The following PSMD4 variants were observed in gnomAD, a reference collection of about 807,000 sequenced individuals.
PSMD4 encodes the protein proteasome 26S subunit ubiquitin receptor, non-ATPase 4, also known as 26S proteasome non-ATPase regulatory subunit 4.
A neutral mutation model predicts 39.7 loss-of-function variants in PSMD4; 5 were observed. The observed-to-expected ratio is 0.13, with a 90% CI of 0.07 to 0.26. The LOEUF is 0.26. PSMD4 is among the 10% of genes least tolerant of loss of function. PSMD4 has a pLI of 1.00. For synonymous variants in PSMD4, 143 were observed against 174.6 expected, an observed-to-expected ratio of 0.82 and a Z score of 1.43; for missense variants, 272 against 486.1, an observed-to-expected ratio of 0.56 and a Z score of 4.14.
rs587719228 is a variant in PSMD4 at position 151,264,365 on chromosome 1, C to T, written c.282+337C>T. ...TAAAAAAAAAAAAAAAAAGGCCGGG[C>T]GCGGTGGCTCACACCTGTAATCCCA... On this transcript the variant is annotated intron_variant, in intron 3 of 9. Transcript: ENST00000368884. 2.7e-4 allele frequency among the ~76,000 whole-genome samples: 41 copies of T among 150,304 alleles called. 1 individual carries two copies. The South Asian group carries it at 5.7e-3, about 21-fold the overall frequency.
intron 1 of PSMD4, among the ~76,000 whole-genome samples, chr1:151,261,180 C>CT (rs587653164): frequency 0.01 from 1,239 of 119,950 alleles, 18 homozygotes; most frequent in South Asian, 0.019. Flanking sequence ...TTTTCTTTTT[C>CT]TTTTTTTTTT....
intron 1 of PSMD4, among the ~76,000 whole-genome samples, chr1:151,258,241 T>G (rs1272198309): frequency 2.0e-5 from 3 of 152,028 alleles, no homozygotes; most frequent in Middle Eastern, 3.2e-3. Flanking sequence ...TTGGTCAGGC[T>G]GGTCTCGAAC....
chr1:151,265,113 T>TC (rs3216063), intron 4 of PSMD4, 53 bp from the exon 5 acceptor site: 2 of 1,487,958 alleles, frequency 1.3e-6, no homozygotes, highest in Non-Finnish European at 1.8e-6. Context: ...GCGGGTCCTT[T>TC]CCCCCCCTCG....
chr1:151,256,476 T>G (rs141226985), intron 1 of PSMD4, among the ~76,000 whole-genome samples: 9,227 of 148,750 alleles, frequency 0.062, 394 homozygotes, highest in Non-Finnish European at 0.098. Flanking sequence ...TTTGCTCTTG[T>G]TGCCCAGGTT....
rs761980312 is a variant in PSMD4, at chr1:151,262,240, G to C, written c.106G>C (p.Val36Leu). Residue 36 changes from valine (V) to leucine (L), a missense_variant, in exon 2 of 10, where the codon GTT becomes CTT. Val to Leu is a conservative substitution (Grantham distance 32, BLOSUM62 1). This residue lies in a region of PSMD4 where 153 missense variants were observed against 257.6 expected (regional missense o/e 0.59). Transcript: ENST00000368884. Reference protein sequence around the residue: ...LQAQQDAVNIVCHSKTRSNPE... With the variant: ...LQAQQDAVNILCHSKTRSNPE... Reference sequence around the variant, plus strand: ...GGCCCAGCAGGATGCTGTCAACATAGTTTGTCATTCAAAGACCCGCAGCAA... The same window carrying C: ...GGCCCAGCAGGATGCTGTCAACATACTTTGTCATTCAAAGACCCGCAGCAA... 3.0e-5 allele frequency: 49 copies of C among 1,614,082 alleles called. No individual in the cohort carries two copies. Among genetic ancestry groups the C allele is most frequent in the Non-Finnish European group, 4.1e-5 (48 of 1,180,048 alleles).
chr1:151,265,032 A>T, intron 4 of PSMD4, 114 bp downstream of exon 4: 1 of 1,309,928 alleles, frequency 7.6e-7, no homozygotes, highest in Non-Finnish European at 1.1e-6. Flanking sequence ...GGGAAAGGTG[A>T]ATGTGGAGAA....
intron 9 of PSMD4, 147 bp downstream of exon 9, chr1:151,266,734 G>A: frequency 9.9e-7 from 1 of 1,008,310 alleles, no homozygotes; most frequent in Non-Finnish European, 1.5e-6. Context: ...TGTAAACCTT[G>A]CTAAGGTAGC....
chr1:151,265,505 A>C lies in PSMD4; in HGVS notation c.550A>C (p.Ile184Leu). The change falls in exon 6 of 10, where the codon ATC becomes CTC. Residue 184 changes from isoleucine (I) to leucine (L), a missense_variant. By Grantham distance (5) the Ile-to-Leu change is conservative. This residue lies in a region of PSMD4 where 153 missense variants were observed against 257.6 expected (regional missense o/e 0.59). Transcript: ENST00000368884. ...PPGPSLADAL[I>L]SSPILAGEGG... Reference sequence around the variant, plus strand: ...TGGGCCCAGTTTGGCTGATGCTCTCATCAGTTCTCCGATTTTGGCTGGTGA... The same window carrying C: ...TGGGCCCAGTTTGGCTGATGCTCTCCTCAGTTCTCCGATTTTGGCTGGTGA... The C allele has an allele frequency of 6.2e-7, 1 of 1,614,172 alleles. No individual in the cohort carries two copies. Among genetic ancestry groups the C allele is most frequent in the Non-Finnish European group, 8.5e-7 (1 of 1,180,028 alleles).
At chr1:151,267,067 A>T in intron 9 of PSMD4, 106 bp from the exon 10 acceptor site, 1 of 1,345,048 alleles carries the variant, frequency 7.4e-7, no homozygotes, top group Non-Finnish European at 1.1e-6. Context: ...ATCCCCACAC[A>T]GTCAGAAGGC....
Position 151,267,443 on chromosome 1 carries a change from T to C in PSMD4, c.*100T>C. 7.1e-7 allele frequency: 1 copy of C among 1,404,868 alleles called. No homozygotes were observed. The highest frequency in any genetic ancestry group is 9.7e-7 in the Non-Finnish European group (1 of 1,033,846). The allele number at this position is 1,404,868 out of a possible 1,614,324, so 87.0% of individuals were successfully genotyped here. ...TTATCTGTAACCATTACAGCCTAAA[T>C]AAAGCTTGGCAACTTTTTTTCCTTT... On this transcript the variant is annotated 3_prime_UTR_variant, in exon 10 of 10. Coordinates refer to ENST00000368884, the MANE Select transcript of PSMD4 (RefSeq NM_002810.4).
intron 1 of PSMD4, among the ~76,000 whole-genome samples, chr1:151,260,059 A>G (rs965135116): frequency 1.3e-5 from 2 of 151,984 alleles, no homozygotes; most frequent in African/African-American, 4.8e-5. Flanking sequence ...TTAGCCGGGT[A>G]TGGTGGTTGC....
At chr1:151,261,184 T>C (rs587642554) in intron 1 of PSMD4, among the ~76,000 whole-genome samples, 65 of 147,430 alleles carry the variant, frequency 4.4e-4, no homozygotes, top group South Asian at 3.0e-3. Context: ...CTTTTTCTTT[T>C]TTTTTTTTTT....
chr1:151,266,994 A>C, intron 9 of PSMD4, 179 bp from the exon 10 acceptor site: 1 of 785,048 alleles, frequency 1.3e-6, no homozygotes, highest in Non-Finnish European at 2.3e-6. Flanking sequence ...TAATAACTGC[A>C]TTCATGCTGT....
chr1:151,265,946 C>A, intron 6 of PSMD4, 58 bp from the exon 7 acceptor site: 1 of 1,511,624 alleles, frequency 6.6e-7, no homozygotes. Flanking sequence ...ACTGACTTTC[C>A]CAGCTCCCTG....
At chr1:151,265,361 G>A (rs1444920770) in intron 5 of PSMD4, 33 bp from the exon 6 acceptor site, 1 of 1,609,806 alleles carries the variant, frequency 6.2e-7, no homozygotes, top group Non-Finnish European at 8.5e-7. Flanking sequence ...AGCAAGGCCT[G>A]AAGAAGGGCA....
intron 6 of PSMD4, 90 bp from the exon 7 acceptor site, chr1:151,265,914 T>C (rs1178660737): frequency 1.4e-6 from 2 of 1,456,856 alleles, no homozygotes; most frequent in Non-Finnish European, 1.8e-6. Flanking sequence ...GCTGCCCCTT[T>C]ATGTTCCTTT....
Position 151,265,047 on chromosome 1 carries a change from G to A in PSMD4, c.370-119G>A. On this transcript the variant is annotated intron_variant, in intron 4 of 9. Coordinates refer to ENST00000368884, the MANE Select transcript of PSMD4 (RefSeq NM_002810.4). Reference sequence around the variant, plus strand: ...GGGAAAGGTGAATGTGGAGAATTCAGTGATTCTGTTGGAGGACCTTGGGGA... The same window carrying A: ...GGGAAAGGTGAATGTGGAGAATTCAATGATTCTGTTGGAGGACCTTGGGGA... The A allele has an allele frequency of 2.3e-6, 3 of 1,303,140 alleles. No homozygotes were observed. In the South Asian group the frequency reaches 3.9e-5, roughly 17 times the overall value. 80.7% of individuals were successfully genotyped at this position (1,303,140 alleles called of 1,614,324 possible). A position where few individuals can be genotyped will look rare whatever the true frequency, so the allele number is the denominator to read the frequency against.
rs587767021 is a variant in PSMD4, at chr1:151,256,811, C to T, written c.26+2003C>T. 2.7e-5 allele frequency among the ~76,000 whole-genome samples: 4 copies of T among 146,134 alleles called. No homozygotes were observed. The East Asian group carries it at 8.4e-4, about 31-fold the overall frequency. On this transcript the variant is annotated intron_variant, in intron 1 of 9. Coordinates refer to ENST00000368884, the MANE Select transcript of PSMD4 (RefSeq NM_002810.4). ...GCAATGACACAATCTCAGCTCCCCG[C>T]AACCTTCGGCTCACCGCAACCTCCG... is the stretch of plus-strand genomic sequence containing the variant.
At chr1:151,259,159 G>GCAGTGACTGCGCTTGAAC (rs1693253869) in intron 1 of PSMD4, 1 of 152,356 alleles carries the variant, frequency 6.6e-6, no homozygotes. Context: ...GCTACAGTGA[G>GCAGTGACTGCGCTTGAAC]CTGTGACTGC....
Sources: allele counts gnomAD v4.1 joint callset (sites outside exome capture counted in the v4.1 genomes callset), GRCh38; gene constraint gnomAD v4.1.1; regional missense constraint gnomAD v4.1.1; transcripts MANE v1.5; gene names NCBI Gene and HGNC (gene_info 2026-07-23, HGNC 2026-07-21).